The following TSPEAR variants were observed in gnomAD, a reference collection of about 807,000 sequenced individuals.
The protein encoded by TSPEAR is thrombospondin type laminin G domain and EAR repeats.
A neutral mutation model predicts 71.6 loss-of-function variants in TSPEAR; 69 were observed. The ratio of observed to expected loss-of-function variants is 0.96; its 90% CI spans 0.79 to 1.18. The LOEUF (loss-of-function observed/expected upper bound fraction) is 1.18, where lower values mean the gene tolerates loss of function less well. Among genes scored for constraint, TSPEAR ranks in the 50% most tolerant of loss-of-function variants. The pLI is 0.00. For synonymous variants in TSPEAR, 402 were observed against 387.2 expected (o/e 1.04, Z -0.45); for missense variants, 971 against 894.9 (o/e 1.09, Z -1.09).
At chr21:44,574,814 C>T (rs2146088740) in intron 1 of TSPEAR, 1 of 1,614,094 alleles carries the variant, frequency 6.2e-7, no homozygotes, top group East Asian at 2.2e-5. Flanking sequence ...GCTGCACCAC[C>T]TCCTGCTGCA....
chr21:44,503,151 G>A (rs587628238), intron 11 of TSPEAR, among the ~76,000 whole-genome samples: 2 of 141,378 alleles, frequency 1.4e-5, no homozygotes, highest in Non-Finnish European at 1.5e-5. Flanking sequence ...CTGGGAGGAG[G>A]CCGGCCTCGG....
intron 2 of TSPEAR, among the ~76,000 whole-genome samples, chr21:44,548,610 G>A (rs913768081): frequency 2.6e-5 from 4 of 152,192 alleles, no homozygotes; most frequent in East Asian, 1.9e-4. Flanking sequence ...GAACAAATCC[G>A]AGAGTAGACT....
rs1372835005 is a variant in TSPEAR at position 44,710,852 on chromosome 21, C to G, written c.82+581G>C. ...AGACCCCCAGGCTTCGCCAGGACCCCCCAGTGAGCCAGCCCAGGGCTCTCC... is the reference window on the plus strand; with the variant it reads ...AGACCCCCAGGCTTCGCCAGGACCCGCCAGTGAGCCAGCCCAGGGCTCTCC... On this transcript the variant is annotated intron_variant, in intron 1 of 11. Transcript: ENST00000323084. This position sits in a 1 kb window ranked among gnomAD's most constrained non-coding sequence, Gnocchi z 4.6. 1.3e-5 allele frequency among the ~76,000 whole-genome samples: 2 copies of G among 152,228 alleles called. No homozygotes were observed. Among genetic ancestry groups the G allele is most frequent in the African/African-American group, 4.8e-5 (2 of 41,458 alleles).
intron 1 of TSPEAR, among the ~76,000 whole-genome samples, chr21:44,707,612 C>G (rs1988001608): frequency 6.6e-6 from 1 of 152,104 alleles, no homozygotes; most frequent in South Asian, 2.1e-4. Context: ...AAGCCCTGGC[C>G]TTATAGTTTA....
intron 9 of TSPEAR, among the ~76,000 whole-genome samples, chr21:44,513,606 T>G (rs1555912996): frequency 6.6e-6 from 1 of 152,174 alleles, no homozygotes; most frequent in Non-Finnish European, 1.5e-5. Flanking sequence ...TGATGGTGCT[T>G]CCGGGACTTG....
At chr21:44,654,127 G>A in intron 1 of TSPEAR, 1 of 655,786 alleles carries the variant, frequency 1.5e-6, no homozygotes, top group East Asian at 2.7e-5. Flanking sequence ...CACCGGCTGG[G>A]ATCTAGTGAC....
chr21:44,600,616 C>G, intron 1 of TSPEAR: 3 of 1,610,404 alleles, frequency 1.9e-6, no homozygotes, highest in Non-Finnish European at 2.5e-6. Flanking sequence ...CAGTTCAATC[C>G]CCAGCATGGC....
intron 9 of TSPEAR, chr21:44,517,467 C>T (rs1302547597): frequency 7.3e-6 from 2 of 275,060 alleles, no homozygotes; most frequent in Non-Finnish European, 1.4e-5. Context: ...GACGTGAGCA[C>T]AGGTCCAGCT....
chr21:44,597,213 C>T (rs1178458734), intron 1 of TSPEAR, among the ~76,000 whole-genome samples: 1 of 151,920 alleles, frequency 6.6e-6, no homozygotes, highest in East Asian at 1.9e-4. Context: ...ATATTTTAAG[C>T]TATGTAATTA....
chr21:44,546,168 AC>A lies in TSPEAR; in HGVS notation c.304-12246del, dbSNP rs201982243. ...AATTTGTACACCAACAAATTAGATA[AC>A]TAATATGTAATGGAAGAATTCTTAT... On this transcript the variant is annotated intron_variant, in intron 2 of 11. Transcript: ENST00000323084. This position sits in a 1 kb window ranked among gnomAD's most constrained non-coding sequence, Gnocchi z 4.4. 6.8e-3 allele frequency among the ~76,000 whole-genome samples: 1,032 copies of A among 152,356 alleles called. 10 individuals are homozygous for A. The highest frequency in any genetic ancestry group is 0.022 in the African/African-American group (898 of 41,582).
intron 7 of TSPEAR, among the ~76,000 whole-genome samples, chr21:44,526,252 A>G (rs1349524844): frequency 1.3e-5 from 2 of 152,214 alleles, no homozygotes; most frequent in Non-Finnish European, 2.9e-5. Context: ...TGTGTGTAAA[A>G]CATGAACATG....
intron 1 of TSPEAR, chr21:44,574,170 C>T (rs1978306458): frequency 4.4e-6 from 7 of 1,601,560 alleles, no homozygotes; most frequent in Non-Finnish European, 6.0e-6. Context: ...ATGCTGCCAG[C>T]AGTCTAGCTG....
chr21:44,507,654 G>A (rs377055762), intron 10 of TSPEAR, among the ~76,000 whole-genome samples: 13 of 152,356 alleles, frequency 8.5e-5, no homozygotes, highest in South Asian at 6.2e-4. Context: ...TTCAAATCCC[G>A]AGGCGTCTGC....
chr21:44,592,396 T>G, intron 1 of TSPEAR: 2 of 1,587,526 alleles, frequency 1.3e-6, no homozygotes, highest in African/African-American at 1.4e-5. Context: ...CTGCCAGGAG[T>G]CGGAGCAAGA....
At chr21:44,531,967 C>A (rs1451391506) in intron 3 of TSPEAR, among the ~76,000 whole-genome samples, 1 of 152,262 alleles carries the variant, frequency 6.6e-6, no homozygotes, top group Non-Finnish European at 1.5e-5. Flanking sequence ...AAAACACCTG[C>A]TCCTTCCAGT....
chr21:44,515,043 A>G (rs368234249), intron 9 of TSPEAR, among the ~76,000 whole-genome samples: 3 of 151,876 alleles, frequency 2.0e-5, no homozygotes, highest in South Asian at 4.2e-4. Flanking sequence ...ACCCCCGCAG[A>G]CCCCTCCAGA....
chr21:44,549,581 G>A (rs2053365392), intron 2 of TSPEAR, among the ~76,000 whole-genome samples: 1 of 152,232 alleles, frequency 6.6e-6, no homozygotes, highest in African/African-American at 2.4e-5. Flanking sequence ...AAGACTCAGG[G>A]CCTCTTGCGG....
chr21:44,550,798 T>A (rs781942959), intron 2 of TSPEAR: 3 of 1,596,386 alleles, frequency 1.9e-6, no homozygotes, highest in Non-Finnish European at 2.6e-6. Flanking sequence ...CAGGAGGAGG[T>A]GCAGCAAGCT....
intron 2 of TSPEAR, among the ~76,000 whole-genome samples, chr21:44,541,094 G>A (rs1277664654): frequency 6.6e-6 from 1 of 151,456 alleles, no homozygotes; most frequent in Non-Finnish European, 1.5e-5. Context: ...TCTGCACCAC[G>A]TGTCTTCCCT....
Sources: allele counts gnomAD v4.1 joint callset (sites outside exome capture counted in the v4.1 genomes callset), GRCh38; gene constraint gnomAD v4.1.1; non-coding constraint Gnocchi (gnomAD v3.1); transcripts MANE v1.5; gene names NCBI Gene and HGNC (gene_info 2026-07-23, HGNC 2026-07-21).